MTF1: variants seen among roughly 807,000 people sequenced by gnomAD.
MTF1 encodes the protein MRE-binding transcription factor.
Under a neutral mutation model 70.4 loss-of-function variants are expected in MTF1, and 22 were observed. That is an observed-to-expected ratio of 0.31 (90% CI 0.22 to 0.45). MTF1 has a LOEUF of 0.45. MTF1 is among the 20% of genes least tolerant of loss of function. The probability of loss-of-function intolerance (pLI) is 1.00; values close to 1 mark genes in which losing one functional copy is unlikely to be tolerated. For synonymous variants in MTF1, 333 were observed against 352.8 expected, an observed-to-expected ratio of 0.94 and a Z score of 0.63; for missense variants, 649 against 922.0, an observed-to-expected ratio of 0.70 and a Z score of 3.83.
intron 2 of MTF1, chr1:37,841,073 G>T: frequency 5.3e-6 from 1 of 188,620 alleles, no homozygotes; most frequent in East Asian, 1.5e-4. Context: ...GCCCATTAAG[G>T]AGTCTGAGAT....
At chr1:37,851,712 T>A (rs1641420489) in intron 2 of MTF1, among the ~76,000 whole-genome samples, 1 of 152,238 alleles carries the variant, frequency 6.6e-6, no homozygotes, top group South Asian at 2.1e-4. Flanking sequence ...TGAAACACTT[T>A]CACACAGTAA....
chr1:37,829,406 T>A (rs1641050583), intron 7 of MTF1, among the ~76,000 whole-genome samples: 1 of 152,116 alleles, frequency 6.6e-6, no homozygotes, highest in Non-Finnish European at 1.5e-5. Flanking sequence ...GCTCAAGCCA[T>A]CCACCCACCT....
chr1:37,859,465 G>T (rs991240921), intron 1 of MTF1, 66 bp downstream of exon 1: 1 of 398,592 alleles, frequency 2.5e-6, no homozygotes, highest in African/African-American at 2.1e-5. Context: ...TGCTTCAGGA[G>T]GGAGCCTAAG....
At chr1:37,835,278 A>G in intron 5 of MTF1, 63 bp from the exon 6 acceptor site, 1 of 1,425,022 alleles carries the variant, frequency 7.0e-7, no homozygotes, top group East Asian at 2.3e-5. Flanking sequence ...TAAGAAATCT[A>G]CCTTTCCCTA....
intron 7 of MTF1, among the ~76,000 whole-genome samples, chr1:37,824,592 G>C (rs1235258022): frequency 6.6e-6 from 1 of 152,146 alleles, no homozygotes. Context: ...CAGCTACTTG[G>C]GAGGCTGAGG....
chr1:37,829,113 C>T (rs771744102), intron 7 of MTF1, among the ~76,000 whole-genome samples: 56 of 134,388 alleles, frequency 4.2e-4, no homozygotes, highest in Non-Finnish European at 6.8e-4. Context: ...TCCTGATTCT[C>T]TCTTTTTTTT....
At position 37,858,287 on chromosome 1, in the gene MTF1, G is replaced by A. The variant is rs760499591; in HGVS notation, c.-51-578C>T. 8.5e-5 allele frequency among the ~76,000 whole-genome samples: 13 copies of A among 152,186 alleles called. No homozygotes were observed. In the South Asian group the frequency reaches 2.1e-3, roughly 24 times the overall value. On this transcript the variant is annotated intron_variant, in intron 1 of 10. Coordinates refer to ENST00000373036, the MANE Select transcript of MTF1 (RefSeq NM_005955.3). ...TGGTAGAAGGAGCAAGGCTTTGGAG[G>A]CAGAGTCATCTACCTACAAATCCTG...
At chr1:37,842,475 C>T (rs1022491549) in intron 2 of MTF1, among the ~76,000 whole-genome samples, 16 of 152,312 alleles carry the variant, frequency 1.1e-4, no homozygotes, top group East Asian at 1.9e-4. Flanking sequence ...CTTGACTATT[C>T]GCAAACATGT....
intron 10 of MTF1, among the ~76,000 whole-genome samples, chr1:37,816,180 T>C (rs980230527): frequency 3.3e-5 from 5 of 152,226 alleles, no homozygotes; most frequent in African/African-American, 9.6e-5. Context: ...CTCTCATGTG[T>C]TGTACGAACA....
Position 37,815,894 on chromosome 1 carries a change from C to A in MTF1, c.1832-328G>T, listed in dbSNP as rs1168697268. On this transcript the variant is annotated intron_variant, in intron 10 of 10. Transcript: ENST00000373036. The surrounding 1 kb of genome is among the most constrained non-coding windows in gnomAD (Gnocchi z 4.5). ...ACTTTTCCTGACACGTTCTTTATAC[C>A]CCTGGGCCTGTGGGCTCTTCCTTAC... Among the ~76,000 whole-genome samples the A allele has an allele frequency of 6.6e-6, 1 of 152,062 alleles. No homozygotes were observed. The highest frequency in any genetic ancestry group is 2.1e-4 in the South Asian group (1 of 4,824).
chr1:37,815,614 G>T lies in MTF1; in HGVS notation c.1832-48C>A. ...TGCTCTTCAAGTAGCTGCAGGGGCA[G>T]GAGCATGAGGGACAGGGATACATGG... is the stretch of plus-strand genomic sequence containing the variant. On this transcript the variant is annotated intron_variant, in intron 10 of 10. Transcript: ENST00000373036. This position sits in a 1 kb window ranked among gnomAD's most constrained non-coding sequence, Gnocchi z 4.5. The T allele has an allele frequency of 7.1e-7, 1 of 1,407,840 alleles. No homozygotes were observed. The highest frequency in any genetic ancestry group is 9.7e-7 in the Non-Finnish European group (1 of 1,036,110). The allele number at this position is 1,407,840 out of a possible 1,614,324, so 87.2% of individuals were successfully genotyped here. A position where few individuals can be genotyped will look rare whatever the true frequency, so the allele number is the denominator to read the frequency against.
intron 2 of MTF1, among the ~76,000 whole-genome samples, chr1:37,848,746 T>C (rs1360861150): frequency 2.6e-5 from 4 of 152,136 alleles, no homozygotes; most frequent in African/African-American, 9.7e-5. Flanking sequence ...TGGGGGTAAA[T>C]GGAAAATGCT....
intron 6 of MTF1, chr1:37,834,640 TA>T (rs768162616): frequency 6.6e-6 from 3 of 456,990 alleles, no homozygotes; most frequent in South Asian, 4.6e-5. Context: ...CTTAACAGGT[TA>T]TTGCAATAAT....
At chr1:37,857,793 C>G (rs1641522362) in intron 1 of MTF1, 84 bp from the exon 2 acceptor site, 1 of 768,202 alleles carries the variant, frequency 1.3e-6, no homozygotes, top group Non-Finnish European at 2.1e-6. Context: ...TTTTCCCTCT[C>G]ACTTAAAGAG....
chr1:37,852,868 T>G (rs1641437254), intron 2 of MTF1, among the ~76,000 whole-genome samples: 1 of 152,138 alleles, frequency 6.6e-6, no homozygotes, highest in African/African-American at 2.4e-5. Flanking sequence ...AGACCTCAAC[T>G]GATCCACCTG....
rs1569893961 is a variant in MTF1 at position 37,857,160 on chromosome 1, C to T, written c.408+91G>A. 1.7e-5 allele frequency: 22 copies of T among 1,322,962 alleles called. No homozygotes were observed. The East Asian group carries it at 5.0e-4, about 30-fold the overall frequency. The allele number at this position is 1,322,962 out of a possible 1,614,324, so 82.0% of individuals were successfully genotyped here. ...ACTACTTAAGTCCTAACCCCATGCA[C>T]TCCTTTACTCCCCAGCTAAAATTTG... On this transcript the variant is annotated intron_variant, in intron 2 of 10. Transcript: ENST00000373036.
rs374233818 is a variant in MTF1 at position 37,837,509 on chromosome 1, A to T, written c.779+1116T>A. On this transcript the variant is annotated intron_variant, in intron 4 of 10. Transcript: ENST00000373036. ...CAAATACATTGTTTATTTTTTTTTTATTTTTATTTTTTTTGAGACAGAGTC... is the reference window on the plus strand; with the variant it reads ...CAAATACATTGTTTATTTTTTTTTTTTTTTTATTTTTTTTGAGACAGAGTC... Among the ~76,000 whole-genome samples the T allele has an allele frequency of 7.7e-3, 1,157 of 151,214 alleles. 21 individuals are homozygous for T. Among genetic ancestry groups the T allele is most frequent in the African/African-American group, 0.027 (1,104 of 41,200 alleles).
chr1:37,830,674 T>C (rs1354023532), intron 7 of MTF1, among the ~76,000 whole-genome samples: 1 of 152,262 alleles, frequency 6.6e-6, no homozygotes. Flanking sequence ...ACAAATGATA[T>C]ATTTTAGAGA....
intron 6 of MTF1, among the ~76,000 whole-genome samples, chr1:37,834,867 T>C (rs1197154296): frequency 6.6e-6 from 1 of 152,188 alleles, no homozygotes; most frequent in African/African-American, 2.4e-5. Flanking sequence ...AGAACAGGTT[T>C]GGACATGTTA....
Sources: gnomAD v4.1 joint callset for allele counts (sites outside exome capture counted in the v4.1 genomes callset) on GRCh38, gnomAD v4.1.1 for gene constraint, Gnocchi (gnomAD v3.1) non-coding constraint, MANE v1.5 for transcripts, NCBI Gene and HGNC (gene_info 2026-07-23, HGNC 2026-07-21) for gene names.